Variants in MYO5B observed in about 807,000 individuals in gnomAD.
MYO5B encodes the protein myosin VB.
In MYO5B, 143 loss-of-function variants were observed where a neutral mutation model predicts 229.3. That is an observed-to-expected ratio of 0.62 (90% CI 0.54 to 0.72). The LOEUF is 0.72. Ranked by LOEUF, MYO5B falls within the 30% of genes least tolerant of loss-of-function variation. MYO5B has a pLI of 0.00. For synonymous variants in MYO5B, 918 were observed against 885.2 expected (o/e 1.04, Z -0.66); for missense variants, 2,321 against 2,331.0 (o/e 1.00, Z 0.09).
At chr18:49,857,636 G>A (rs1004295127) in intron 29 of MYO5B, among the ~76,000 whole-genome samples, 3 of 152,180 alleles carry the variant, frequency 2.0e-5, no homozygotes, top group Non-Finnish European at 2.9e-5. Flanking sequence ...ACTGGGGTGC[G>A]TTACCACTTT....
chr18:49,969,410 C>T (rs1483616537), intron 10 of MYO5B, among the ~76,000 whole-genome samples: 2 of 152,200 alleles, frequency 1.3e-5, no homozygotes, highest in Non-Finnish European at 2.9e-5. Flanking sequence ...TCATTGTAGT[C>T]AACCTACAGA....
intron 35 of MYO5B, among the ~76,000 whole-genome samples, chr18:49,840,854 G>A (rs2024047395): frequency 6.6e-6 from 1 of 152,234 alleles, no homozygotes; most frequent in South Asian, 2.1e-4. Context: ...ATCCAATTTG[G>A]ATAAATGCAT....
chr18:49,949,604 C>A (rs2025411643), intron 14 of MYO5B, among the ~76,000 whole-genome samples: 1 of 152,092 alleles, frequency 6.6e-6, no homozygotes. Flanking sequence ...TGTCTTCTAT[C>A]CCCTACTGCT....
chr18:49,955,214 C>G (rs2025479570), intron 12 of MYO5B, among the ~76,000 whole-genome samples: 1 of 152,198 alleles, frequency 6.6e-6, no homozygotes. Context: ...TTAGAGGCTC[C>G]ACTGCATTAA....
intron 1 of MYO5B, among the ~76,000 whole-genome samples, chr18:50,105,708 C>T (rs938196992): frequency 4.6e-5 from 7 of 151,692 alleles, no homozygotes; most frequent in South Asian, 2.1e-4. Context: ...GAATACGAAA[C>T]TCCCCAAAAA....
chr18:49,889,849 T>G (rs2024688137), intron 22 of MYO5B, among the ~76,000 whole-genome samples: 1 of 152,180 alleles, frequency 6.6e-6, no homozygotes, highest in Non-Finnish European at 1.5e-5. Flanking sequence ...AAGGCTACAG[T>G]CTGGGAGTGC....
intron 8 of MYO5B, among the ~76,000 whole-genome samples, chr18:49,983,811 T>G (rs1013153495): frequency 6.6e-6 from 1 of 152,184 alleles, no homozygotes; most frequent in Admixed American, 6.5e-5. Flanking sequence ...TCTGGGAGCG[T>G]GGCAAATAAG....
intron 14 of MYO5B, among the ~76,000 whole-genome samples, chr18:49,950,863 A>G (rs1355619015): frequency 1.3e-5 from 2 of 152,212 alleles, no homozygotes; most frequent in African/African-American, 4.8e-5. Flanking sequence ...CTATCCTTAG[A>G]AAGGCTGCTT....
At chr18:50,080,406 C>T (rs938870406) in intron 1 of MYO5B, among the ~76,000 whole-genome samples, 1 of 152,180 alleles carries the variant, frequency 6.6e-6, no homozygotes, top group Non-Finnish European at 1.5e-5. Context: ...GCGAGCCTCT[C>T]CTCACTCTAC....
intron 4 of MYO5B, among the ~76,000 whole-genome samples, chr18:50,026,470 C>G (rs1379141842): frequency 6.6e-6 from 1 of 152,128 alleles, no homozygotes; most frequent in East Asian, 1.9e-4. Flanking sequence ...TTCCTCTAGA[C>G]AAATTGAAAA....
intron 1 of MYO5B, among the ~76,000 whole-genome samples, chr18:50,165,232 C>A (rs1393449865): frequency 6.6e-6 from 1 of 151,640 alleles, no homozygotes; most frequent in Non-Finnish European, 1.5e-5. Flanking sequence ...TAATCAATCC[C>A]AGGACTCTGG....
chr18:50,147,021 T>C (rs546839769), intron 1 of MYO5B, among the ~76,000 whole-genome samples: 1 of 152,334 alleles, frequency 6.6e-6, no homozygotes, highest in East Asian at 1.9e-4. Flanking sequence ...CACAGGGTTC[T>C]ACCAGTGGTC....
rs199782770 is a variant in MYO5B at position 49,902,703 on chromosome 18, C to T, written c.2702G>A (p.Arg901Gln). Reference protein sequence around the residue: ...QCAFRMLKARRELKALRIEAR... With the variant: ...QCAFRMLKARQELKALRIEAR... ...CTCAATCCTGAGGGCCTTCAGCTCCCGCCTGGCCTTGAGCATCCGGAAGGC... is the reference window on the plus strand; with the variant it reads ...CTCAATCCTGAGGGCCTTCAGCTCCTGCCTGGCCTTGAGCATCCGGAAGGC... The change falls in exon 21 of 40, where the codon CGG becomes CAG. Residue 901 changes from arginine to glutamine, a missense_variant. Arg to Gln is a conservative substitution (Grantham distance 43, BLOSUM62 1). Transcript: ENST00000285039. 726 of 1,612,078 alleles carry T rather than the reference C, an allele frequency of 4.5e-4. 12 individuals carry two copies. The South Asian group carries it at 5.5e-3, about 12-fold the overall frequency.
At chr18:50,181,518 G>A (rs968799117) in intron 1 of MYO5B, among the ~76,000 whole-genome samples, 1 of 152,200 alleles carries the variant, frequency 6.6e-6, no homozygotes, top group Non-Finnish European at 1.5e-5. Flanking sequence ...ACTATTTCTA[G>A]AACAGAAAGC....
At chr18:50,187,424 G>T (rs1204860057) in intron 1 of MYO5B, among the ~76,000 whole-genome samples, 1 of 151,910 alleles carries the variant, frequency 6.6e-6, no homozygotes, top group African/African-American at 2.4e-5. Context: ...TTTATGATGT[G>T]TTCTTGCCCA....
At chr18:49,931,226 A>G (rs1012303143) in intron 16 of MYO5B, among the ~76,000 whole-genome samples, 1 of 152,112 alleles carries the variant, frequency 6.6e-6, no homozygotes, top group African/African-American at 2.4e-5. Context: ...TTGCCAAGCA[A>G]CTGATGACTG....
chr18:49,834,737 C>T (rs1232363431), intron 39 of MYO5B, among the ~76,000 whole-genome samples: 2 of 152,044 alleles, frequency 1.3e-5, no homozygotes, highest in African/African-American at 4.8e-5. Context: ...CTCCCAGGTT[C>T]ACGCCATTCT....
intron 1 of MYO5B, among the ~76,000 whole-genome samples, chr18:50,106,999 CCAGA>C (rs2031773021): frequency 6.6e-6 from 1 of 151,642 alleles, no homozygotes; most frequent in Admixed American, 6.6e-5. Context: ...GCCTAAACAG[CCAGA>C]CAATGAGGAT....
At chr18:50,079,232 A>G (rs751542391) in intron 1 of MYO5B, among the ~76,000 whole-genome samples, 6 of 152,246 alleles carry the variant, frequency 3.9e-5, no homozygotes, top group Admixed American at 1.3e-4. Flanking sequence ...ACTTCAATAA[A>G]AAGTTCAAGA....
Sources: allele counts gnomAD v4.1 joint callset (sites outside exome capture counted in the v4.1 genomes callset), GRCh38; gene constraint gnomAD v4.1.1; transcripts MANE v1.5; gene names NCBI Gene and HGNC (gene_info 2026-07-23, HGNC 2026-07-21).